Variants in CNTN4 observed in about 807,000 individuals in gnomAD.
CNTN4 encodes the protein contactin 4, also known as contactin-4.
Under a neutral mutation model 122.5 loss-of-function variants are expected in CNTN4, and 77 were observed. The observed-to-expected ratio is 0.63, with a 90% confidence interval of 0.52 to 0.76. The LOEUF is 0.76. CNTN4 is among the 30% of genes least tolerant of loss of function. The pLI, the probability that CNTN4 is intolerant of heterozygous loss-of-function variation, is 0.00. For missense variants in CNTN4, 1,256 were observed against 1,259.1 expected (o/e 1.00, Z 0.04); for synonymous variants, 512 against 447.0 (o/e 1.15, Z -1.83).
intron 13 of CNTN4, among the ~76,000 whole-genome samples, chr3:2,955,465 T>C (rs1577392581): frequency 6.6e-6 from 1 of 152,172 alleles, no homozygotes; most frequent in South Asian, 2.1e-4. Context: ...TACCACAAAA[T>C]GGCTGCAGCA....
At chr3:2,696,282 A>G (rs1016520843) in intron 4 of CNTN4, among the ~76,000 whole-genome samples, 2 of 152,238 alleles carry the variant, frequency 1.3e-5, no homozygotes, top group African/African-American at 4.8e-5. Context: ...AGGCATTGCT[A>G]TGAGTTGAAT....
chr3:2,898,570 C>T (rs1447093052), intron 10 of CNTN4, among the ~76,000 whole-genome samples: 2 of 152,204 alleles, frequency 1.3e-5, no homozygotes, highest in African/African-American at 4.8e-5. Flanking sequence ...CAAGGTTTTG[C>T]TTCCAGCTTT....
intron 2 of CNTN4, among the ~76,000 whole-genome samples, chr3:2,138,256 C>T (rs765292590): frequency 9.2e-5 from 14 of 151,822 alleles, no homozygotes; most frequent in Non-Finnish European, 1.9e-4. Flanking sequence ...TTACTAGGGA[C>T]GGGGTTTCAC....
intron 2 of CNTN4, among the ~76,000 whole-genome samples, chr3:2,326,485 TACACACACAC>T (rs10557917): frequency 0.29 from 36,228 of 125,786 alleles, 4,720 homozygotes; most frequent in Admixed American, 0.4. Flanking sequence ...CTAATAAATT[TACACACACAC>T]ACACACACAC....
chr3:2,106,781 A>G (rs374071693), intron 2 of CNTN4, among the ~76,000 whole-genome samples: 1 of 152,142 alleles, frequency 6.6e-6, no homozygotes, highest in South Asian at 2.1e-4. Flanking sequence ...TCCCCAGAAA[A>G]TGGGTTTTTC....
At chr3:2,651,160 T>G (rs2083339306) in intron 4 of CNTN4, among the ~76,000 whole-genome samples, 1 of 152,192 alleles carries the variant, frequency 6.6e-6, no homozygotes, top group South Asian at 2.1e-4. Flanking sequence ...GGGTAAAGAT[T>G]CAAGAGTGGC....
chr3:2,818,609 G>A (rs914278789), intron 6 of CNTN4, among the ~76,000 whole-genome samples: 1 of 152,162 alleles, frequency 6.6e-6, no homozygotes, highest in African/African-American at 2.4e-5. Flanking sequence ...TTTACATCTG[G>A]GAGGGTGGAA....
chr3:2,429,923 C>T (rs1359019811), intron 3 of CNTN4, among the ~76,000 whole-genome samples: 2 of 152,132 alleles, frequency 1.3e-5, no homozygotes, highest in East Asian at 3.9e-4. Flanking sequence ...TGGAAAAGTG[C>T]AGTATTAGGA....
At chr3:3,051,932 C>A (rs1201343730) in intron 23 of CNTN4, among the ~76,000 whole-genome samples, 1 of 152,086 alleles carries the variant, frequency 6.6e-6, no homozygotes, top group African/African-American at 2.4e-5. Flanking sequence ...ACGCATGATC[C>A]CTGGACCATC....
intron 3 of CNTN4, among the ~76,000 whole-genome samples, chr3:2,527,306 A>T (rs1467154459): frequency 1.3e-5 from 2 of 152,180 alleles, no homozygotes; most frequent in African/African-American, 2.4e-5. Flanking sequence ...TTAATTGCTT[A>T]CACTGTCTTC....
In CNTN4 at chr3:2,495,509, G is replaced by A. The variant is rs182880938; in HGVS notation, c.-88-75907G>A. On this transcript the variant is annotated intron_variant, in intron 3 of 24. Coordinates refer to ENST00000418658, the MANE Select transcript of CNTN4 (RefSeq NM_175607.3). ...CTCTTGTTTGGTCCCCAATCCCCAG[G>A]CCATGGACAGGTTACCTGTCTGTGG... Among the ~76,000 whole-genome samples, 105 of 152,266 alleles carry A rather than the reference G, an allele frequency of 6.9e-4. 1 individual carries two copies. Among genetic ancestry groups the A allele is most frequent in the African/African-American group, 2.4e-3 (98 of 41,566 alleles).
chr3:2,607,864 G>T (rs2081326418), intron 4 of CNTN4, among the ~76,000 whole-genome samples: 5 of 152,194 alleles, frequency 3.3e-5, no homozygotes, highest in South Asian at 4.2e-4. Flanking sequence ...CCATACGATA[G>T]AAATATTTAA....
intron 3 of CNTN4, among the ~76,000 whole-genome samples, chr3:2,544,653 G>T (rs781058997): frequency 6.6e-6 from 1 of 151,956 alleles, no homozygotes; most frequent in Non-Finnish European, 1.5e-5. Flanking sequence ...TAGTTTGTGT[G>T]CATTGAAGTG....
chr3:2,601,366 A>G (rs565455371), intron 4 of CNTN4, among the ~76,000 whole-genome samples: 1 of 152,254 alleles, frequency 6.6e-6, no homozygotes, highest in African/African-American at 2.4e-5. Context: ...TCCATCTTGA[A>G]TTAATTTTTG....
chr3:2,326,147 G>A (rs963484654), intron 2 of CNTN4, among the ~76,000 whole-genome samples: 1 of 152,170 alleles, frequency 6.6e-6, no homozygotes, highest in Non-Finnish European at 1.5e-5. Context: ...CCAAATGTGG[G>A]TGGGCCTTAT....
At chr3:2,775,857 G>A (rs187537870) in intron 6 of CNTN4, among the ~76,000 whole-genome samples, 2 of 152,178 alleles carry the variant, frequency 1.3e-5, no homozygotes, top group Non-Finnish European at 2.9e-5. Context: ...CATGAGGGCG[G>A]GAACCTTTTA....
intron 10 of CNTN4, among the ~76,000 whole-genome samples, chr3:2,887,880 T>C (rs560503362): frequency 6.6e-6 from 1 of 152,288 alleles, no homozygotes; most frequent in South Asian, 2.1e-4. Flanking sequence ...TGATTTGAAA[T>C]CTCGAAAAGG....
chr3:2,272,013 G>T (rs999139960), intron 2 of CNTN4, among the ~76,000 whole-genome samples: 2 of 152,050 alleles, frequency 1.3e-5, no homozygotes, highest in Non-Finnish European at 2.9e-5. Flanking sequence ...AGGTTAGCAG[G>T]TTGTAAAACA....
intron 14 of CNTN4, among the ~76,000 whole-genome samples, chr3:3,013,314 A>G (rs1697415097): frequency 6.6e-6 from 1 of 152,150 alleles, no homozygotes; most frequent in South Asian, 2.1e-4. Context: ...AGGCTTTTAG[A>G]CACTAAATTG....
Sources: gnomAD v4.1 joint callset for allele counts (sites outside exome capture counted in the v4.1 genomes callset) on GRCh38, gnomAD v4.1.1 for gene constraint, MANE v1.5 for transcripts, NCBI Gene and HGNC (gene_info 2026-07-23, HGNC 2026-07-21) for gene names.